The following CTIF variants were observed in gnomAD, a reference collection of about 807,000 sequenced individuals.
CTIF encodes CBP80/20-dependent translation initiation factor.
CTIF carries 21 observed loss-of-function variants against 66.0 expected under a neutral mutation model. That is an observed-to-expected ratio of 0.32 (90% confidence interval 0.23 to 0.46). The LOEUF (loss-of-function observed/expected upper bound fraction) is 0.46, where lower values mean the gene tolerates loss of function less well. CTIF is among the 20% of genes least tolerant of loss of function. The probability of loss-of-function intolerance (pLI) is 1.00; values close to 1 mark genes in which losing one functional copy is unlikely to be tolerated. For missense variants in CTIF, 739 were observed against 812.7 expected, an observed-to-expected ratio of 0.91 and a Z score of 1.10; for synonymous variants, 345 against 326.4, an observed-to-expected ratio of 1.06 and a Z score of -0.62.
At chr18:48,699,879 G>T (rs1452216068) in intron 6 of CTIF, among the ~76,000 whole-genome samples, 1 of 152,228 alleles carries the variant, frequency 6.6e-6, no homozygotes, top group Non-Finnish European at 1.5e-5. Context: ...TAGCCAAAAC[G>T]TTTGATGCCT....
intron 7 of CTIF, among the ~76,000 whole-genome samples, chr18:48,716,369 G>A (rs991750688): frequency 6.6e-6 from 1 of 152,228 alleles, no homozygotes; most frequent in Non-Finnish European, 1.5e-5. Context: ...GCTCCAGAAT[G>A]CTTCCTGGAG....
intron 6 of CTIF, among the ~76,000 whole-genome samples, chr18:48,685,486 G>GTGCTGGCAT (rs1477635810): frequency 2.0e-5 from 3 of 152,078 alleles, no homozygotes; most frequent in African/African-American, 7.2e-5. Context: ...ACCTCCCAAA[G>GTGCTGGCAT]TGCTGGCATT....
At chr18:48,591,275 C>T (rs1287079130) in intron 1 of CTIF, among the ~76,000 whole-genome samples, 1 of 152,246 alleles carries the variant, frequency 6.6e-6, no homozygotes, top group Non-Finnish European at 1.5e-5. Context: ...CTTGTGGGTC[C>T]CAGGCTGGCT....
At chr18:48,718,810 G>C (rs1216035002) in intron 7 of CTIF, among the ~76,000 whole-genome samples, 2 of 152,188 alleles carry the variant, frequency 1.3e-5, no homozygotes, top group East Asian at 3.8e-4. Context: ...GACATGGTCA[G>C]GGGCCATTTA....
At position 48,663,861 on chromosome 18, in the gene CTIF, G is replaced by A. The variant is rs1021432284; in HGVS notation, c.326+36G>A. The stretch of plus-strand genomic sequence containing the variant: ...CCTCCCTCCTTCCCTGTGGTGTGAG[G>A]TCCAGCCGGGGAAACTGGCTTCCTT... On this transcript the variant is annotated intron_variant, in intron 4 of 11. Transcript: ENST00000256413. The A allele has an allele frequency of 2.5e-6, 4 of 1,591,550 alleles. No homozygotes were observed. In the African/African-American group the frequency reaches 5.4e-5, roughly 21 times the overall value.
chr18:48,843,158 G>A (rs1259176121), intron 10 of CTIF, among the ~76,000 whole-genome samples: 2 of 148,990 alleles, frequency 1.3e-5, no homozygotes, highest in African/African-American at 2.4e-5. Context: ...GCTCTGTTGT[G>A]CAGAGTCAGA....
intron 3 of CTIF, among the ~76,000 whole-genome samples, chr18:48,637,745 T>G (rs2090850345): frequency 6.6e-6 from 1 of 152,138 alleles, no homozygotes; most frequent in African/African-American, 2.4e-5. Flanking sequence ...TTCTTTCACG[T>G]GACAAAATGT....
At chr18:48,549,236 A>G (rs1207355841) in intron 1 of CTIF, among the ~76,000 whole-genome samples, 5 of 152,144 alleles carry the variant, frequency 3.3e-5, no homozygotes. Context: ...CGTAGGGGAA[A>G]GCATTATCTG....
chr18:48,602,051 G>C (rs2090099820), intron 1 of CTIF, among the ~76,000 whole-genome samples: 1 of 152,204 alleles, frequency 6.6e-6, no homozygotes, highest in South Asian at 2.1e-4. Flanking sequence ...TAGCACCCTT[G>C]CTGTTGCCAG....
Position 48,785,948 on chromosome 18 carries a change from G to A in CTIF, c.1371+24259G>A, listed in dbSNP as rs28591256. 5.2e-3 allele frequency among the ~76,000 whole-genome samples: 794 copies of A among 152,204 alleles called. 11 individuals carry two copies. Among genetic ancestry groups the A allele is most frequent in the African/African-American group, 0.018 (743 of 41,492 alleles). On this transcript the variant is annotated intron_variant, in intron 9 of 11. Transcript: ENST00000256413. ...CCCACCCATTTGGCTGGAGACTTAC[G>A]TAGGTTCATCCTCACAGCAACCCCG...
At chr18:48,682,078 G>A (rs2091755917) in intron 6 of CTIF, among the ~76,000 whole-genome samples, 1 of 151,760 alleles carries the variant, frequency 6.6e-6, no homozygotes, top group Non-Finnish European at 1.5e-5. Context: ...GAGCCACCGT[G>A]CCCAGCCCCA....
At chr18:48,670,927 A>C (rs1054322474) in intron 6 of CTIF, among the ~76,000 whole-genome samples, 183 bp downstream of exon 6, 1 of 152,064 alleles carries the variant, frequency 6.6e-6, no homozygotes, top group Non-Finnish European at 1.5e-5. Flanking sequence ...TCCCATTGTG[A>C]TCGTGTGTGT....
intron 1 of CTIF, among the ~76,000 whole-genome samples, chr18:48,591,044 G>T (rs2089876398): frequency 6.6e-6 from 1 of 152,218 alleles, no homozygotes; most frequent in Non-Finnish European, 1.5e-5. Context: ...CTCAGGAAGG[G>T]AAGGCCAGGG....
At chr18:48,687,216 T>A (rs1434958949) in intron 6 of CTIF, among the ~76,000 whole-genome samples, 1 of 151,524 alleles carries the variant, frequency 6.6e-6, no homozygotes, top group Non-Finnish European at 1.5e-5. Context: ...GGACAGGTTG[T>A]ATAGAGAGGA....
chr18:48,588,274 G>GCATTCCCCAGAACC (rs1464683072), intron 1 of CTIF, among the ~76,000 whole-genome samples: 2 of 152,148 alleles, frequency 1.3e-5, no homozygotes, highest in Non-Finnish European at 2.9e-5. Context: ...ATGCTTTCCA[G>GCATTCCCCAGAACC]CATTCCCCAG....
chr18:48,759,278 C>G lies in CTIF; in HGVS notation c.1071+873C>G, dbSNP rs118065780. 5.2e-3 allele frequency among the ~76,000 whole-genome samples: 792 copies of G among 152,320 alleles called. 3 individuals carry two copies. The highest frequency in any genetic ancestry group is 9.3e-3 in the Non-Finnish European group (632 of 68,036). On this transcript the variant is annotated intron_variant, in intron 8 of 11. Coordinates refer to ENST00000256413, the MANE Select transcript of CTIF (RefSeq NM_014772.3). ...GCCCACAGCCATTCCCACACAGCAG[C>G]AGGGCCTACAGAGGCTTCCTCCTGG... is the stretch of plus-strand genomic sequence containing the variant.
At chr18:48,577,203 G>A (rs569228032) in intron 1 of CTIF, among the ~76,000 whole-genome samples, 6 of 152,308 alleles carry the variant, frequency 3.9e-5, no homozygotes, top group Non-Finnish European at 7.3e-5. Flanking sequence ...CTGTGTTTCC[G>A]CCCCAGGACC....
At chr18:48,550,368 G>C (rs2088853838) in intron 1 of CTIF, among the ~76,000 whole-genome samples, 2 of 152,224 alleles carry the variant, frequency 1.3e-5, no homozygotes, top group Admixed American at 1.3e-4. Context: ...GAGAGGAATT[G>C]GTGCTCAGCT....
intron 7 of CTIF, among the ~76,000 whole-genome samples, chr18:48,754,182 C>T (rs780973483): frequency 4.6e-5 from 7 of 152,148 alleles, no homozygotes; most frequent in Non-Finnish European, 1.0e-4. Context: ...CCATTCAGCC[C>T]TTTGTCTCCA....
Sources: allele counts gnomAD v4.1 joint callset (sites outside exome capture counted in the v4.1 genomes callset), GRCh38; gene constraint gnomAD v4.1.1; transcripts MANE v1.5; gene names NCBI Gene and HGNC (gene_info 2026-07-23, HGNC 2026-07-21).